Variants in TBC1D8 observed in about 807,000 individuals in gnomAD.
TBC1D8 encodes the protein TBC1 domain family member 8.
A neutral mutation model predicts 118.8 loss-of-function variants in TBC1D8; 65 were observed. The ratio of observed to expected loss-of-function variants is 0.55; its 90% CI spans 0.45 to 0.67. The LOEUF (loss-of-function observed/expected upper bound fraction) is 0.67. TBC1D8 is among the 30% of genes least tolerant of loss of function. TBC1D8 has a pLI of 0.00. For missense variants in TBC1D8, 1,376 were observed against 1,471.2 expected, an observed-to-expected ratio of 0.94 and a Z score of 1.06; for synonymous variants, 566 against 595.8, an observed-to-expected ratio of 0.95 and a Z score of 0.73.
intron 5 of TBC1D8, among the ~76,000 whole-genome samples, chr2:101,049,443 T>G (rs1026909692): frequency 6.6e-6 from 1 of 152,122 alleles, no homozygotes; most frequent in East Asian, 1.9e-4. Context: ...AGACAAAATA[T>G]GTCAGCCAGG....
At chr2:101,037,351 C>G (rs772160569) in intron 8 of TBC1D8, among the ~76,000 whole-genome samples, 181 bp downstream of exon 8, 2 of 152,234 alleles carry the variant, frequency 1.3e-5, no homozygotes, top group Non-Finnish European at 2.9e-5. Flanking sequence ...GGTGGGAGAG[C>G]AGCCCCTCAG....
At chr2:101,028,007 C>T in intron 14 of TBC1D8, 41 bp downstream of exon 14, 1 of 1,597,920 alleles carries the variant, frequency 6.3e-7, no homozygotes, top group Non-Finnish European at 8.6e-7. Context: ...AGGTTGGCTC[C>T]CCAATACCGT....
intron 2 of TBC1D8, among the ~76,000 whole-genome samples, chr2:101,072,794 C>A (rs1034654878): frequency 2.0e-5 from 3 of 152,122 alleles, no homozygotes; most frequent in Non-Finnish European, 2.9e-5. Context: ...TAACAGGCCA[C>A]AAATTGGTAC....
At chr2:101,128,547 C>T (rs528409099) in intron 1 of TBC1D8, among the ~76,000 whole-genome samples, 1 of 152,312 alleles carries the variant, frequency 6.6e-6, no homozygotes, top group South Asian at 2.1e-4. Context: ...TCTCAAAAAA[C>T]TTAAGCACAG....
At chr2:101,033,282 A>G (rs1042438060) in intron 10 of TBC1D8, 12 of 485,390 alleles carry the variant, frequency 2.5e-5, no homozygotes, top group Non-Finnish European at 4.2e-5. Flanking sequence ...ATGCCCAGCT[A>G]ATTTTTGTAT....
At chr2:101,109,429 A>T (rs1217431975) in intron 1 of TBC1D8, among the ~76,000 whole-genome samples, 1 of 152,204 alleles carries the variant, frequency 6.6e-6, no homozygotes, top group African/African-American at 2.4e-5. Flanking sequence ...ATGTCTGCAA[A>T]TTTCAAACGG....
At chr2:101,028,586 C>G (rs887213285) in intron 12 of TBC1D8, 154 bp from the exon 13 acceptor site, 1 of 1,147,356 alleles carries the variant, frequency 8.7e-7, no homozygotes, top group South Asian at 2.1e-5. Flanking sequence ...TTTAGAGAAG[C>G]GAGAGGCAGT....
At chr2:101,089,493 C>A (rs1675869689) in intron 2 of TBC1D8, among the ~76,000 whole-genome samples, 1 of 151,920 alleles carries the variant, frequency 6.6e-6, no homozygotes. Flanking sequence ...GACTCCTGGC[C>A]CAAGAGGAAC....
Position 101,040,313 on chromosome 2 carries a change from G to C in TBC1D8, c.945C>G (p.His315Gln). 1 of 1,613,966 alleles carries C rather than the reference G, an allele frequency of 6.2e-7. No homozygotes were observed. The highest frequency in any genetic ancestry group is 8.5e-7 in the Non-Finnish European group (1 of 1,179,888). The change falls in exon 6 of 20, where the codon CAC (histidine) becomes CAG (glutamine). Residue 315 changes from histidine to glutamine, a missense_variant. Coordinates refer to ENST00000409318, the MANE Select transcript of TBC1D8 (RefSeq NM_001330348.2). Reference sequence around the variant, plus strand: ...TCCAGAGCGAACAGTCCACAACCGCGTGCAGCTTCTCCTTCCTCGGCAACC... The same window carrying C: ...TCCAGAGCGAACAGTCCACAACCGCCTGCAGCTTCTCCTTCCTCGGCAACC... ...FFRLPRKEKL[H>Q]AVVDCSLWTP...
chr2:101,024,642 A>G (rs967645169), intron 15 of TBC1D8, among the ~76,000 whole-genome samples: 64 of 152,144 alleles, frequency 4.2e-4, no homozygotes, highest in Admixed American at 6.5e-4. Context: ...CTGGACCTCA[A>G]GTGATCCACC....
Position 101,020,068 on chromosome 2 carries a change from G to A in TBC1D8, c.2827+1613C>T, listed in dbSNP as rs376598491. Among the ~76,000 whole-genome samples the A allele has an allele frequency of 5.8e-3, 721 of 124,692 alleles. 5 individuals are homozygous for A. The highest frequency in any genetic ancestry group is 0.016 in the African/African-American group (575 of 35,544). 81.8% of individuals were successfully genotyped at this position (124,692 alleles called of 152,430 possible). On this transcript the variant is annotated intron_variant, in intron 17 of 19. Coordinates refer to ENST00000409318, the MANE Select transcript of TBC1D8 (RefSeq NM_001330348.2). The stretch of plus-strand genomic sequence containing the variant: ...AGCCTGGGCCACAGAGCGAAACTCC[G>A]TCTCAAAAAAAAAAAAAAAAGACAG...
intron 9 of TBC1D8, among the ~76,000 whole-genome samples, chr2:101,035,060 G>T (rs1680919658): frequency 6.6e-6 from 1 of 152,140 alleles, no homozygotes; most frequent in African/African-American, 2.4e-5. Context: ...ACAAAGTTGG[G>T]GGATAGACAA....
Position 101,123,708 on chromosome 2 carries a change from G to C in TBC1D8, c.127+27419C>G, listed in dbSNP as rs1678226299. 2.0e-5 allele frequency among the ~76,000 whole-genome samples: 3 copies of C among 152,178 alleles called. 1 individual carries two copies. The highest frequency in any genetic ancestry group is 2.0e-4 in the Admixed American group (3 of 15,278). On this transcript the variant is annotated intron_variant, in intron 1 of 19. Coordinates refer to ENST00000409318, the MANE Select transcript of TBC1D8 (RefSeq NM_001330348.2). ...CAGATATAGGTCTACCTTACAAAAA[G>C]AGAGGAGTCAGTTGTTCGCTTTGTT...
intron 17 of TBC1D8, among the ~76,000 whole-genome samples, chr2:101,012,588 AATTG>A (rs375141710): frequency 1.9e-3 from 285 of 151,572 alleles, no homozygotes; most frequent in African/African-American, 6.6e-3. Context: ...AATGGTCTAA[AATTG>A]ATTGTGGTGA....
At chr2:101,026,658 C>T (rs1680357133) in intron 15 of TBC1D8, among the ~76,000 whole-genome samples, 2 of 152,160 alleles carry the variant, frequency 1.3e-5, no homozygotes, top group African/African-American at 2.4e-5. Flanking sequence ...TTGCTTTCTG[C>T]AACTGCGCTT....
chr2:101,095,940 GCTA>G (rs1317465301), intron 1 of TBC1D8, among the ~76,000 whole-genome samples: 1 of 152,026 alleles, frequency 6.6e-6, no homozygotes, highest in African/African-American at 2.4e-5. Context: ...TGAGATTTAT[GCTA>G]CTATTATAGA....
chr2:101,096,419 CAAAAAAAAAAA>C (rs55824667), intron 1 of TBC1D8, among the ~76,000 whole-genome samples: 18 of 43,734 alleles, frequency 4.1e-4, no homozygotes, highest in Admixed American at 1.3e-3. Flanking sequence ...TGGCTTTTGA[CAAAAAAAAAAA>C]AAAAAAAAAA....
Position 101,095,249 on chromosome 2 carries a change from T to TTTATTA in TBC1D8, c.128-4891_128-4886dup, listed in dbSNP as rs61200526. On this transcript the variant is annotated intron_variant, in intron 1 of 19. Transcript: ENST00000409318. ...GCCAACGCACCAGAGAAGTATTTTC[T>TTTATTA]TTATTATTATTATTATTATACTTTA... Among the ~76,000 whole-genome samples, 413 of 146,554 alleles carry TTTATTA rather than the reference T, an allele frequency of 2.8e-3. 6 individuals carry two copies. The highest frequency in any genetic ancestry group is 4.6e-3 in the East Asian group (22 of 4,832).
chr2:101,141,263 A>C (rs1202675062), intron 1 of TBC1D8, among the ~76,000 whole-genome samples: 1 of 152,214 alleles, frequency 6.6e-6, no homozygotes, highest in Non-Finnish European at 1.5e-5. Context: ...AAACTACAGT[A>C]CTTTTTCCAC....
Sources: allele counts gnomAD v4.1 joint callset (sites outside exome capture counted in the v4.1 genomes callset), GRCh38; gene constraint gnomAD v4.1.1; transcripts MANE v1.5; gene names NCBI Gene and HGNC (gene_info 2026-07-23, HGNC 2026-07-21).